The following MAP3K5 variants were observed in gnomAD, a reference collection of about 807,000 sequenced individuals.
MAP3K5 encodes the protein ASK-1.
MAP3K5 carries 56 observed loss-of-function variants against 158.7 expected under a neutral mutation model. The observed-to-expected ratio is 0.35, with a 90% CI of 0.28 to 0.44. MAP3K5 has a LOEUF of 0.44. Ranked by LOEUF, MAP3K5 falls within the 20% of genes least tolerant of loss-of-function variation. The probability of loss-of-function intolerance (pLI) is 1.00; values close to 1 mark genes in which losing one functional copy is unlikely to be tolerated. For missense variants in MAP3K5, 1,294 were observed against 1,674.8 expected (o/e 0.77, Z 3.97); for synonymous variants, 579 against 601.7 (o/e 0.96, Z 0.55).
At chr6:136,762,979 T>TTTATTTACTTTATA (rs1783821586) in intron 1 of MAP3K5, among the ~76,000 whole-genome samples, 1 of 152,166 alleles carries the variant, frequency 6.6e-6, no homozygotes, top group African/African-American at 2.4e-5. Flanking sequence ...TTATGTATCT[T>TTTATTTACTTTATA]TTATTTACTT....
chr6:136,765,026 G>A (rs150199189), intron 1 of MAP3K5, among the ~76,000 whole-genome samples: 13 of 152,224 alleles, frequency 8.5e-5, no homozygotes, highest in East Asian at 5.8e-4. Flanking sequence ...ACCAATGTGC[G>A]GCAATGGAGA....
chr6:136,679,746 T>C (rs534980839), intron 7 of MAP3K5, among the ~76,000 whole-genome samples: 1 of 152,330 alleles, frequency 6.6e-6, no homozygotes, highest in East Asian at 1.9e-4. Flanking sequence ...TGATGAAATA[T>C]CATGACGCAT....
chr6:136,565,794 A>G (rs1394497772), intron 26 of MAP3K5, among the ~76,000 whole-genome samples: 1 of 152,210 alleles, frequency 6.6e-6, no homozygotes, highest in Non-Finnish European at 1.5e-5. Context: ...TCTTCAAATC[A>G]TGCATGAAGC....
At chr6:136,764,645 C>G (rs935993640) in intron 1 of MAP3K5, among the ~76,000 whole-genome samples, 1 of 152,214 alleles carries the variant, frequency 6.6e-6, no homozygotes, top group African/African-American at 2.4e-5. Context: ...AGCCACTACA[C>G]TTTTTTGTGG....
chr6:136,775,560 G>A (rs1343990422), intron 1 of MAP3K5, among the ~76,000 whole-genome samples: 1 of 151,942 alleles, frequency 6.6e-6, no homozygotes, highest in Non-Finnish European at 1.5e-5. Context: ...GAACTCTTTG[G>A]GTAACATGCA....
At chr6:136,586,583 C>G (rs974071543) in intron 23 of MAP3K5, among the ~76,000 whole-genome samples, 5 of 152,240 alleles carry the variant, frequency 3.3e-5, no homozygotes, top group Non-Finnish European at 7.3e-5. Flanking sequence ...GACTCAGCAT[C>G]AGCATAGATT....
chr6:136,711,473 T>C (rs1045614274), intron 2 of MAP3K5, among the ~76,000 whole-genome samples: 3 of 151,930 alleles, frequency 2.0e-5, no homozygotes, highest in Non-Finnish European at 4.4e-5. Context: ...GAGACCAGCC[T>C]GGGAAACACG....
chr6:136,727,257 C>G (rs1423890879), intron 1 of MAP3K5, among the ~76,000 whole-genome samples: 1 of 152,160 alleles, frequency 6.6e-6, no homozygotes, highest in Non-Finnish European at 1.5e-5. Flanking sequence ...ACAGTTTATC[C>G]ATTTCATTTT....
chr6:136,692,579 C>A (rs1429421406), intron 7 of MAP3K5, among the ~76,000 whole-genome samples: 1 of 152,188 alleles, frequency 6.6e-6, no homozygotes, highest in Non-Finnish European at 1.5e-5. Context: ...TGCTTTCCAA[C>A]TTTTTTCCAA....
rs189682983 is a variant in MAP3K5 at position 136,578,792 on chromosome 6, A to G, written c.3517+1509T>C. ...CTCATGTCAAACACCCAAGTGTTCT[A>G]TGAGAAGAGAGGGAATTCCACAACT... On this transcript the variant is annotated intron_variant, in intron 25 of 29. Transcript: ENST00000359015. Among the ~76,000 whole-genome samples the G allele has an allele frequency of 5.3e-5, 8 of 152,326 alleles. No homozygotes were observed. The East Asian group carries it at 1.4e-3, about 26-fold the overall frequency.
chr6:136,576,777 T>A (rs1387921563), intron 25 of MAP3K5, among the ~76,000 whole-genome samples: 1 of 152,214 alleles, frequency 6.6e-6, no homozygotes, highest in Non-Finnish European at 1.5e-5. Flanking sequence ...AACATTTCAG[T>A]CAAGGATGGA....
At chr6:136,741,639 T>G (rs1264580677) in intron 1 of MAP3K5, among the ~76,000 whole-genome samples, 1 of 151,958 alleles carries the variant, frequency 6.6e-6, no homozygotes, top group East Asian at 1.9e-4. Context: ...AAATCCCAGC[T>G]AATGAAATAA....
At chr6:136,717,112 AG>A (rs1781564158) in intron 2 of MAP3K5, among the ~76,000 whole-genome samples, 1 of 152,086 alleles carries the variant, frequency 6.6e-6, no homozygotes, top group South Asian at 2.1e-4. Context: ...AAAAAAAAAA[AG>A]AAAAAATCAA....
intron 15 of MAP3K5, among the ~76,000 whole-genome samples, chr6:136,619,656 T>C (rs534196338): frequency 2.0e-5 from 3 of 152,102 alleles, no homozygotes; most frequent in Non-Finnish European, 4.4e-5. Context: ...CAAAGAAGGA[T>C]GGACTAGGAG....
chr6:136,648,240 T>C (rs1470984523), intron 11 of MAP3K5, among the ~76,000 whole-genome samples: 2 of 152,196 alleles, frequency 1.3e-5, no homozygotes, highest in Non-Finnish European at 2.9e-5. Flanking sequence ...CTTCTAATAA[T>C]GAAAAAGAAT....
At chr6:136,705,276 A>G (rs762279502) in intron 2 of MAP3K5, 143 bp from the exon 3 acceptor site, 1 of 449,100 alleles carries the variant, frequency 2.2e-6, no homozygotes, top group Non-Finnish European at 4.0e-6. Flanking sequence ...CAGTTCCTGC[A>G]TCTGAAAAGT....
At chr6:136,695,690 C>T (rs1412883750) in intron 6 of MAP3K5, among the ~76,000 whole-genome samples, 12 of 151,968 alleles carry the variant, frequency 7.9e-5, no homozygotes, top group Admixed American at 7.9e-4. Flanking sequence ...ATATGAATAG[C>T]AAATACAAAC....
intron 2 of MAP3K5, among the ~76,000 whole-genome samples, chr6:136,710,808 C>G (rs1235065570): frequency 3.1e-4 from 47 of 152,132 alleles, no homozygotes; most frequent in Admixed American, 3.1e-3. Flanking sequence ...TGGCTGGTGA[C>G]TTTCTGGGTC....
chr6:136,650,708 C>T (rs889129843), intron 11 of MAP3K5, among the ~76,000 whole-genome samples: 4 of 152,114 alleles, frequency 2.6e-5, no homozygotes, highest in Non-Finnish European at 5.9e-5. Flanking sequence ...CATGAATTTA[C>T]AAAAGAGAAA....
Sources: gnomAD v4.1 joint callset for allele counts (sites outside exome capture counted in the v4.1 genomes callset) on GRCh38, gnomAD v4.1.1 for gene constraint, MANE v1.5 for transcripts, NCBI Gene and HGNC (gene_info 2026-07-23, HGNC 2026-07-21) for gene names.